Variants in CHD7 observed in about 807,000 individuals in gnomAD.
CHD7 encodes chromodomain helicase DNA binding protein 7, also known as ATP-dependent chromatin remodeler CHD7.
A neutral mutation model predicts 307.3 loss-of-function variants in CHD7; 24 were observed. The ratio of observed to expected loss-of-function variants is 0.08; its 90% CI spans 0.06 to 0.11. The LOEUF (loss-of-function observed/expected upper bound fraction) is 0.11. Ranked by LOEUF, CHD7 falls within the 10% of genes least tolerant of loss-of-function variation. The pLI is 1.00. For synonymous variants in CHD7, 1,363 were observed against 1,349.9 expected (o/e 1.01, Z -0.21); for missense variants, 3,106 against 3,727.1 (o/e 0.83, Z 4.34).
At chr8:60,851,179 A>AT in intron 27 of CHD7, 75 bp downstream of exon 27, 2 of 1,480,622 alleles carry the variant, frequency 1.4e-6, no homozygotes, top group Non-Finnish European at 9.2e-7. Context: ...GTTAAACTTT[A>AT]TAGATAATGA....
chr8:60,720,270 T>C (rs760897363), intron 1 of CHD7, among the ~76,000 whole-genome samples: 30 of 152,244 alleles, frequency 2.0e-4, no homozygotes, highest in Non-Finnish European at 4.0e-4. Flanking sequence ...CAGCCTTTTA[T>C]GTACCTCTCT....
intron 1 of CHD7, among the ~76,000 whole-genome samples, chr8:60,686,024 T>G (rs1805870978): frequency 6.6e-6 from 1 of 152,170 alleles, no homozygotes; most frequent in African/African-American, 2.4e-5. Context: ...GTGTCTTTAA[T>G]TAGGGGTCTG....
intron 1 of CHD7, among the ~76,000 whole-genome samples, chr8:60,728,337 A>G (rs546111878): frequency 1.7e-4 from 26 of 152,184 alleles, no homozygotes; most frequent in African/African-American, 6.0e-4. Context: ...ACCCCAACCC[A>G]AAACCCACCC....
chr8:60,700,627 G>A (rs1341806474), intron 1 of CHD7, among the ~76,000 whole-genome samples: 1 of 152,170 alleles, frequency 6.6e-6, no homozygotes, highest in Non-Finnish European at 1.5e-5. Flanking sequence ...GCCGGCTGGT[G>A]CCCATTTAGC....
In CHD7 at chr8:60,822,040, A is replaced by G. The variant is rs768456277; in HGVS notation, c.2852A>G (p.Asp951Gly). 1.9e-6 allele frequency: 3 copies of G among 1,613,880 alleles called. No homozygotes were observed. Among genetic ancestry groups the G allele is most frequent in the Non-Finnish European group, 8.5e-7 (1 of 1,179,796 alleles). ...TTGAAACAGGAGCGACCTCCTGCTG[A>G]TGATTGGAAGAAATCGGAGAGTTCC... ...ETERVERPPA[D>G]DWKKSESSRE... Residue 951 changes from aspartate (D) to glycine (G), a missense_variant, in exon 11 of 38, where the codon GAT (aspartate) becomes GGT (glycine). By Grantham distance (94) the Asp-to-Gly change is moderately conservative. Coordinates refer to ENST00000423902, the MANE Select transcript of CHD7 (RefSeq NM_017780.4).
At chr8:60,727,368 TC>T (rs968145131) in intron 1 of CHD7, among the ~76,000 whole-genome samples, 3 of 151,760 alleles carry the variant, frequency 2.0e-5, no homozygotes, top group Non-Finnish European at 2.9e-5. Flanking sequence ...TCTCAAGTGA[TC>T]CCCCCCACCT....
chr8:60,782,267 C>T (rs182866357), intron 3 of CHD7, among the ~76,000 whole-genome samples: 1 of 152,256 alleles, frequency 6.6e-6, no homozygotes, highest in Admixed American at 6.5e-5. Flanking sequence ...CATTAGAAAA[C>T]ACGCCCACCC....
At chr8:60,788,378 C>T (rs1024577786) in intron 3 of CHD7, among the ~76,000 whole-genome samples, 15 of 152,152 alleles carry the variant, frequency 9.9e-5, no homozygotes, top group Middle Eastern at 3.4e-3. Context: ...TGGCCTCAAG[C>T]GGTCCACCTG....
At chr8:60,855,906 G>T in intron 32 of CHD7, 69 bp from the exon 33 acceptor site, 1 of 992,130 alleles carries the variant, frequency 1.0e-6, no homozygotes, top group Non-Finnish European at 1.5e-6. Context: ...CATCTTGATG[G>T]ATGTATTTAT....
intron 3 of CHD7, among the ~76,000 whole-genome samples, chr8:60,785,082 G>A (rs1246158983): frequency 1.3e-5 from 2 of 152,166 alleles, no homozygotes; most frequent in African/African-American, 2.4e-5. Flanking sequence ...ATGAGGATTT[G>A]CATCCTTTTC....
Position 60,865,164 on chromosome 8 carries a change from A to G in CHD7, c.8225A>G (p.Asn2742Ser), listed in dbSNP as rs1416636387. The change falls in exon 38 of 38, where the codon AAC (asparagine) becomes AGC (serine). Residue 2742 changes from asparagine to serine, a missense_variant. This residue lies in a region of CHD7 where 351 missense variants were observed against 366.2 expected (regional missense o/e 0.96). Coordinates refer to ENST00000423902, the MANE Select transcript of CHD7 (RefSeq NM_017780.4). This position sits in a 1 kb window ranked among gnomAD's most constrained non-coding sequence, Gnocchi z 4.3. ...GCTGTGGCCTCCACGTCAGGGATCA[A>G]CCCTTTGCTGGTGAACAGCCTGTTT... ...AAAVASTSGI[N>S]PLLVNSLFAG... 8.7e-6 allele frequency: 14 copies of G among 1,612,086 alleles called. No homozygotes were observed. The highest frequency in any genetic ancestry group is 1.7e-5 in the Admixed American group (1 of 59,798).
chr8:60,777,331 T>A (rs1273400123), intron 2 of CHD7, among the ~76,000 whole-genome samples: 1 of 152,220 alleles, frequency 6.6e-6, no homozygotes, highest in African/African-American at 2.4e-5. Context: ...TTGCACACAC[T>A]GTTAACATTG....
At chr8:60,835,789 C>G (rs928930279) in intron 15 of CHD7, among the ~76,000 whole-genome samples, 13 of 152,304 alleles carry the variant, frequency 8.5e-5, no homozygotes, top group African/African-American at 3.1e-4. Context: ...GCTTGACAGT[C>G]TGTTGTTGAA....
Position 60,854,457 on chromosome 8 carries a change from G to A in CHD7, c.6870G>A (p.Glu2290=). Reference sequence around the variant, plus strand: ...AAACCCGAGATGGATTCTACATGGAGGACGGAGATCCTTCAGTAGCTCAGC... The same window carrying A: ...AAACCCGAGATGGATTCTACATGGAAGACGGAGATCCTTCAGTAGCTCAGC... ...RDETRDGFYM[E]DGDPSVAQLL... The change falls in exon 32 of 38, where the codon GAG becomes GAA. Residue 2290 remains glutamate (E), a synonymous_variant. Transcript: ENST00000423902. The A allele has an allele frequency of 6.2e-7, 1 of 1,613,070 alleles. No homozygotes were observed. Among genetic ancestry groups the A allele is most frequent in the East Asian group, 2.2e-5 (1 of 44,868 alleles).
At chr8:60,752,799 G>C (rs1477126379) in intron 2 of CHD7, among the ~76,000 whole-genome samples, 1 of 152,160 alleles carries the variant, frequency 6.6e-6, no homozygotes, top group Non-Finnish European at 1.5e-5. Context: ...TTAAAAACAA[G>C]TCTAGCATGA....
intron 2 of CHD7, among the ~76,000 whole-genome samples, chr8:60,761,526 G>A (rs945092795): frequency 6.6e-5 from 10 of 151,812 alleles, no homozygotes; most frequent in Non-Finnish European, 1.2e-4. Context: ...CAGTTCCACC[G>A]TTGCCTTTTT....
intron 2 of CHD7, among the ~76,000 whole-genome samples, chr8:60,752,310 A>G (rs1415467769): frequency 6.6e-6 from 1 of 152,092 alleles, no homozygotes; most frequent in Non-Finnish European, 1.5e-5. Flanking sequence ...GTGCTGGGAG[A>G]CTGTGTGGAG....
chr8:60,759,974 A>G (rs1378364984), intron 2 of CHD7, among the ~76,000 whole-genome samples: 1 of 152,132 alleles, frequency 6.6e-6, no homozygotes, highest in African/African-American at 2.4e-5. Context: ...TGCTGCCAGG[A>G]AGCTCAGCTG....
chr8:60,838,783 C>CT (rs1804847147), intron 19 of CHD7, among the ~76,000 whole-genome samples: 2 of 152,258 alleles, frequency 1.3e-5, no homozygotes, highest in South Asian at 2.1e-4. Flanking sequence ...CCCTGCCTCT[C>CT]TATCAGAGCT....
Sources: gnomAD v4.1 joint callset for allele counts (sites outside exome capture counted in the v4.1 genomes callset) on GRCh38, gnomAD v4.1.1 for gene constraint, gnomAD v4.1.1 regional missense constraint, Gnocchi (gnomAD v3.1) non-coding constraint, MANE v1.5 for transcripts, NCBI Gene and HGNC (gene_info 2026-07-23, HGNC 2026-07-21) for gene names.